MYLK: variants seen among roughly 807,000 people sequenced by gnomAD.
MYLK encodes the protein myosin light chain kinase, also known as myosin light chain kinase, smooth muscle.
Under a neutral mutation model 203.4 loss-of-function variants are expected in MYLK, and 106 were observed. The ratio of observed to expected loss-of-function variants is 0.52; its 90% CI spans 0.45 to 0.61. MYLK has a LOEUF of 0.61. Among genes scored for constraint, MYLK ranks in the 20% least tolerant of loss-of-function variants. MYLK has a pLI of 0.00. For missense variants in MYLK, 2,072 were observed against 2,442.3 expected, an observed-to-expected ratio of 0.85 and a Z score of 3.20; for synonymous variants, 867 against 959.5, an observed-to-expected ratio of 0.90 and a Z score of 1.78.
Position 123,649,073 on chromosome 3 carries a change from C to A in MYLK, c.4322-9G>T, listed in dbSNP as rs768160202. On this transcript the variant is annotated splice_polypyrimidine_tract_variant and intron_variant, in intron 25 of 33. Coordinates refer to ENST00000360304, the MANE Select transcript of MYLK (RefSeq NM_053025.4). ...CTCGGGCTCCTTCTCATCTGTGGGGCACAGGTCAGGGTTGGTGTGAGTCTC... is the reference window on the plus strand; with the variant it reads ...CTCGGGCTCCTTCTCATCTGTGGGGAACAGGTCAGGGTTGGTGTGAGTCTC... 1.1e-5 allele frequency: 18 copies of A among 1,614,026 alleles called. No homozygotes were observed. In the African/African-American group the frequency reaches 2.4e-4, roughly 22 times the overall value.
intron 5 of MYLK, among the ~76,000 whole-genome samples, chr3:123,743,403 C>A (rs2062918794): frequency 6.6e-6 from 1 of 152,068 alleles, no homozygotes. Context: ...ACAGAGAGTT[C>A]ACATCAAGAC....
intron 5 of MYLK, among the ~76,000 whole-genome samples, chr3:123,750,298 T>C (rs1268031639): frequency 6.6e-6 from 1 of 152,138 alleles, no homozygotes; most frequent in Non-Finnish European, 1.5e-5. Context: ...TCTCCCCAAA[T>C]GAAAACCAAA....
At chr3:123,865,384 A>T (rs4118366) in intron 2 of MYLK, among the ~76,000 whole-genome samples, 1 of 152,084 alleles carries the variant, frequency 6.6e-6, no homozygotes, top group Non-Finnish European at 1.5e-5. Flanking sequence ...TTCAGCAGTG[A>T]AGAATATGAA....
chr3:123,852,394 C>T (rs960939568), intron 2 of MYLK, among the ~76,000 whole-genome samples: 6 of 152,084 alleles, frequency 3.9e-5, no homozygotes, highest in Non-Finnish European at 7.4e-5. Flanking sequence ...TTAATTATTG[C>T]CTCAATTTCA....
intron 19 of MYLK, 120 bp downstream of exon 19, chr3:123,692,615 G>T: frequency 1.1e-6 from 1 of 892,172 alleles, no homozygotes; most frequent in African/African-American, 1.6e-5. Flanking sequence ...GAATGCCTTT[G>T]GGTAGGGAGG....
At chr3:123,840,007 T>A (rs961080103) in intron 2 of MYLK, among the ~76,000 whole-genome samples, 1 of 152,022 alleles carries the variant, frequency 6.6e-6, no homozygotes, top group Non-Finnish European at 1.5e-5. Flanking sequence ...GGAATGGACA[T>A]AAAAAGGCAC....
rs1475761402 is a variant in MYLK, at chr3:123,717,607, A to AG, written c.1804+4520_1804+4521insC. ...TTGATGGAGATACTCCAGGGGGAAAAAATTTTAAATATTCTAGCCCAAGGA... is the reference window on the plus strand; with the variant it reads ...TTGATGGAGATACTCCAGGGGGAAAAGAATTTTAAATATTCTAGCCCAAGGA... On this transcript the variant is annotated intron_variant, in intron 13 of 33. Coordinates refer to ENST00000360304, the MANE Select transcript of MYLK (RefSeq NM_053025.4). Among the ~76,000 whole-genome samples, 3 of 150,636 alleles carry AG rather than the reference A, an allele frequency of 2.0e-5. No individual in the cohort carries two copies. In the East Asian group the frequency reaches 5.9e-4, roughly 30 times the overall value.
chr3:123,664,572 G>T (rs2059674004), intron 22 of MYLK, among the ~76,000 whole-genome samples: 1 of 152,200 alleles, frequency 6.6e-6, no homozygotes, highest in African/African-American at 2.4e-5. Context: ...GGAATGGGAT[G>T]ATAGGAGAAC....
rs143283825 is a variant in MYLK at position 123,651,962 on chromosome 3, C to G, written c.4289-2768G>C. On this transcript the variant is annotated intron_variant, in intron 24 of 33. Transcript: ENST00000360304. ...AGGAAACTCGGATCAAGAGTCCGGA[C>G]TAAGCAGGGAGCAGTGGCAAGTGCC... 3.1e-3 allele frequency among the ~76,000 whole-genome samples: 467 copies of G among 152,326 alleles called. 8 individuals are homozygous for G. Among genetic ancestry groups the G allele is most frequent in the Middle Eastern group, 0.01 (3 of 294 alleles).
intron 19 of MYLK, chr3:123,692,333 C>T (rs1018742588): frequency 4.5e-5 from 53 of 1,169,362 alleles, no homozygotes; most frequent in East Asian, 1.8e-4. Context: ...CTCCTCCTCA[C>T]GGCTGACCCT....
At position 123,734,127 on chromosome 3, in the gene MYLK, G is replaced by A; in HGVS notation, c.869C>T (p.Ala290Val). 3.1e-6 allele frequency: 5 copies of A among 1,593,944 alleles called. No homozygotes were observed. The highest frequency in any genetic ancestry group is 4.3e-6 in the Non-Finnish European group (5 of 1,170,290). The part of the protein sequence containing the change: ...SKESKLDSLE[A>V]AAKSKNCSSP... Reference sequence around the variant, plus strand: ...GGAGCAGTTCTTGCTTTTGGCTGCAGCCTCCAGACTGTCCAGCTTCGACTC... The same window carrying A: ...GGAGCAGTTCTTGCTTTTGGCTGCAACCTCCAGACTGTCCAGCTTCGACTC... Residue 290 changes from alanine to valine, a missense_variant, in exon 10 of 34, where the codon GCT becomes GTT. This residue lies in a region of MYLK where 683 missense variants were observed against 643.8 expected (regional missense o/e 1.06). Coordinates refer to ENST00000360304, the MANE Select transcript of MYLK (RefSeq NM_053025.4).
chr3:123,616,397 A>G (rs747355484), intron 33 of MYLK: 4 of 152,238 alleles, frequency 2.6e-5, no homozygotes, highest in Non-Finnish European at 5.9e-5. Context: ...ATATATGTAC[A>G]GAAGCATTAC....
At chr3:123,861,292 G>C (rs925010559) in intron 2 of MYLK, among the ~76,000 whole-genome samples, 3 of 152,226 alleles carry the variant, frequency 2.0e-5, no homozygotes, top group Admixed American at 1.3e-4. Flanking sequence ...TCTGCAGCGA[G>C]ACAGCTGGGT....
chr3:123,682,595 C>T (rs770766612), intron 19 of MYLK, among the ~76,000 whole-genome samples: 1 of 152,220 alleles, frequency 6.6e-6, no homozygotes, highest in Non-Finnish European at 1.5e-5. Flanking sequence ...GGATGCTCCC[C>T]CGGAATGCCA....
chr3:123,683,937 G>A (rs950573918), intron 19 of MYLK, among the ~76,000 whole-genome samples: 7 of 152,192 alleles, frequency 4.6e-5, no homozygotes, highest in Middle Eastern at 3.2e-3. Context: ...AGGAGCCCCA[G>A]ATGGCACATC....
intron 4 of MYLK, among the ~76,000 whole-genome samples, chr3:123,763,689 A>AT (rs1211155397): frequency 4.6e-5 from 7 of 152,064 alleles, no homozygotes; most frequent in African/African-American, 1.7e-4. Flanking sequence ...TCTGTGAACT[A>AT]TTATGTGTGT....
intron 23 of MYLK, 86 bp downstream of exon 23, chr3:123,664,019 G>C: frequency 1.3e-6 from 2 of 1,573,112 alleles, no homozygotes; most frequent in Non-Finnish European, 1.7e-6. Context: ...AATGGGTGAT[G>C]AAGTCCTGAG....
intron 2 of MYLK, among the ~76,000 whole-genome samples, chr3:123,861,808 T>C (rs2031950171): frequency 6.6e-6 from 1 of 152,150 alleles, no homozygotes; most frequent in African/African-American, 2.4e-5. Context: ...AAAATGTCAA[T>C]CCTACAAACT....
At chr3:123,876,341 A>G (rs550478167) in intron 2 of MYLK, among the ~76,000 whole-genome samples, 1 of 152,328 alleles carries the variant, frequency 6.6e-6, no homozygotes, top group African/African-American at 2.4e-5. Flanking sequence ...TTATCACATT[A>G]TCATAGTTCA....
Sources: allele counts gnomAD v4.1 joint callset (sites outside exome capture counted in the v4.1 genomes callset), GRCh38; gene constraint gnomAD v4.1.1; regional missense constraint gnomAD v4.1.1; transcripts MANE v1.5; gene names NCBI Gene and HGNC (gene_info 2026-07-23, HGNC 2026-07-21).